The following RELN variants were observed in gnomAD, a reference collection of about 807,000 sequenced individuals.
RELN encodes reelin.
Under a neutral mutation model 427.6 loss-of-function variants are expected in RELN, and 108 were observed. The observed-to-expected ratio is 0.25, with a 90% CI of 0.22 to 0.30. RELN has a LOEUF of 0.30. RELN is among the 10% of genes least tolerant of loss of function. The pLI is 1.00. For synonymous variants in RELN, 1,524 were observed against 1,513.4 expected (o/e 1.01, Z -0.16); for missense variants, 3,715 against 4,302.8 (o/e 0.86, Z 3.82).
intron 8 of RELN, among the ~76,000 whole-genome samples, chr7:103,711,667 T>A (rs1789805150): frequency 1.3e-5 from 2 of 152,144 alleles, no homozygotes; most frequent in Admixed American, 6.5e-5. Flanking sequence ...AAAAAAGCTA[T>A]TTTTTTAAAG....
chr7:103,874,913 C>G (rs1399584489), intron 2 of RELN, among the ~76,000 whole-genome samples: 1 of 146,332 alleles, frequency 6.8e-6, no homozygotes, highest in African/African-American at 2.4e-5. Context: ...AATCCTAAGC[C>G]AAAAGAACAA....
chr7:103,506,750 A>T (rs571328144), intron 51 of RELN, among the ~76,000 whole-genome samples: 67 of 152,390 alleles, frequency 4.4e-4, no homozygotes, highest in Middle Eastern at 3.4e-3. Context: ...GCCCCAATTA[A>T]AAGACACAGA....
rs1562897374 is a variant in RELN, at chr7:103,569,999, A to G, written c.4588+2185T>C. Among the ~76,000 whole-genome samples the G allele has an allele frequency of 1.3e-5, 2 of 152,236 alleles. No individual in the cohort carries two copies. The highest frequency in any genetic ancestry group is 2.4e-5 in the African/African-American group (1 of 41,464). ...CAGCTTGAGTAAGTAAAGAATCTCT[A>G]CTTTCATCACTGGAAGAGATTTGTT... On this transcript the variant is annotated intron_variant, in intron 31 of 64. Transcript: ENST00000428762. The surrounding 1 kb of genome is among the most constrained non-coding windows in gnomAD (Gnocchi z 4.0).
At chr7:103,732,289 TA>T (rs1790373843) in intron 6 of RELN, among the ~76,000 whole-genome samples, 1 of 152,132 alleles carries the variant, frequency 6.6e-6, no homozygotes, top group African/African-American at 2.4e-5. Context: ...GCCCATGGGC[TA>T]GTTTCTGGAA....
intron 2 of RELN, among the ~76,000 whole-genome samples, chr7:103,880,172 ATGT>A (rs1794573711): frequency 6.6e-6 from 1 of 151,948 alleles, no homozygotes; most frequent in Admixed American, 6.6e-5. Flanking sequence ...GAAGCAGGTG[ATGT>A]TAACATCCAC....
rs530550927 is a variant in RELN at position 103,533,662 on chromosome 7, C to T, written c.7349+1654G>A. Among the ~76,000 whole-genome samples, 4 of 152,204 alleles carry T rather than the reference C, an allele frequency of 2.6e-5. No individual in the cohort carries two copies. The South Asian group carries it at 6.2e-4, about 24-fold the overall frequency. ...TACAGAACAGGGGGAAATGGATGCT[C>T]ATCAGATTTTTCAAATAACATTTGA... On this transcript the variant is annotated intron_variant, in intron 46 of 64. Coordinates refer to ENST00000428762, the MANE Select transcript of RELN (RefSeq NM_005045.4).
At chr7:103,870,821 C>T (rs909835963) in intron 2 of RELN, among the ~76,000 whole-genome samples, 2 of 152,130 alleles carry the variant, frequency 1.3e-5, no homozygotes, top group African/African-American at 4.8e-5. Flanking sequence ...ATCAAGAACT[C>T]ATGAGCAATA....
intron 8 of RELN, among the ~76,000 whole-genome samples, chr7:103,704,180 C>T (rs1013185336): frequency 6.6e-6 from 1 of 152,080 alleles, no homozygotes; most frequent in Admixed American, 6.5e-5. Flanking sequence ...AAAGATAAAC[C>T]TAGTCATAGC....
intron 46 of RELN, among the ~76,000 whole-genome samples, chr7:103,529,538 C>CTCT (rs936749168): frequency 6.6e-6 from 1 of 151,974 alleles, no homozygotes; most frequent in Admixed American, 6.6e-5. Context: ...TTTGAGCCAC[C>CTCT]TCTTACTTTT....
chr7:103,503,970 C>T (rs1274196672), intron 51 of RELN, among the ~76,000 whole-genome samples: 2 of 150,958 alleles, frequency 1.3e-5, no homozygotes, highest in Admixed American at 6.6e-5. Flanking sequence ...CTTTGGGAGG[C>T]CGAGACGGGT....
intron 20 of RELN, among the ~76,000 whole-genome samples, chr7:103,612,092 T>G (rs989629681): frequency 1.3e-5 from 2 of 152,194 alleles, no homozygotes; most frequent in African/African-American, 4.8e-5. Context: ...TTAATCTCAC[T>G]TCTTGAAATC....
chr7:103,557,435 T>C (rs1269128775), intron 37 of RELN, among the ~76,000 whole-genome samples: 1 of 152,170 alleles, frequency 6.6e-6, no homozygotes, highest in East Asian at 1.9e-4. Context: ...AAACATTACA[T>C]CAAAACATTT....
At chr7:103,939,856 A>G (rs1371007994) in intron 1 of RELN, among the ~76,000 whole-genome samples, 1 of 152,194 alleles carries the variant, frequency 6.6e-6, no homozygotes, top group Admixed American at 6.5e-5. Flanking sequence ...ATTTGACAAT[A>G]AAATGTTAAG....
chr7:103,906,670 A>G (rs1167366932), intron 2 of RELN, among the ~76,000 whole-genome samples: 1 of 152,174 alleles, frequency 6.6e-6, no homozygotes, highest in East Asian at 1.9e-4. Flanking sequence ...ACATGTCTCA[A>G]TTCCTAACTC....
intron 2 of RELN, among the ~76,000 whole-genome samples, chr7:103,836,255 C>T (rs1046441148): frequency 3.3e-5 from 5 of 152,268 alleles, no homozygotes; most frequent in Admixed American, 6.5e-5. Context: ...CCACCGCACC[C>T]GGCCTACCTC....
chr7:103,951,501 C>CT (rs1164806186), intron 1 of RELN, among the ~76,000 whole-genome samples: 1 of 152,146 alleles, frequency 6.6e-6, no homozygotes, highest in Non-Finnish European at 1.5e-5. Context: ...TTCATCTCTA[C>CT]TTTTTTCTAC....
chr7:103,880,468 T>C (rs1288259979), intron 2 of RELN, among the ~76,000 whole-genome samples: 1 of 152,158 alleles, frequency 6.6e-6, no homozygotes, highest in East Asian at 1.9e-4. Context: ...ATATTCAATG[T>C]CCAGTTCATT....
intron 3 of RELN, among the ~76,000 whole-genome samples, chr7:103,799,126 C>A (rs12531131): frequency 6.6e-6 from 1 of 151,928 alleles, no homozygotes; most frequent in African/African-American, 2.4e-5. Flanking sequence ...GAAGTTACAA[C>A]CTTACTAGTA....
chr7:103,548,091 T>C (rs563611309), intron 41 of RELN, among the ~76,000 whole-genome samples: 24 of 152,346 alleles, frequency 1.6e-4, no homozygotes, highest in African/African-American at 5.3e-4. Context: ...TGACTCATTA[T>C]GAAACTGCAT....
Sources: gnomAD v4.1 joint callset for allele counts (sites outside exome capture counted in the v4.1 genomes callset) on GRCh38, gnomAD v4.1.1 for gene constraint, Gnocchi (gnomAD v3.1) non-coding constraint, MANE v1.5 for transcripts, NCBI Gene and HGNC (gene_info 2026-07-23, HGNC 2026-07-21) for gene names.